The following NFATC2 variants were observed in gnomAD, a reference collection of about 807,000 sequenced individuals.
The protein encoded by NFATC2 is nuclear factor of activated T cells 2, also known as nuclear factor of activated T-cells, cytoplasmic 2.
Under a neutral mutation model 87.3 loss-of-function variants are expected in NFATC2, and 22 were observed. The ratio of observed to expected loss-of-function variants is 0.25; its 90% CI spans 0.18 to 0.36. NFATC2 has a LOEUF of 0.36. NFATC2 is among the 10% of genes least tolerant of loss of function. The pLI is 1.00. For missense variants in NFATC2, 1,149 were observed against 1,259.1 expected (o/e 0.91, Z 1.32); for synonymous variants, 565 against 542.2 (o/e 1.04, Z -0.58).
Position 51,472,388 on chromosome 20 carries a change from G to A in NFATC2, c.1708+1592C>T, listed in dbSNP as rs541272691. Reference sequence around the variant, plus strand: ...TCCCCAATCTCCACTATTCCCTGACGTCTGCCACCCAACCTACCCCATTCA... The same window carrying A: ...TCCCCAATCTCCACTATTCCCTGACATCTGCCACCCAACCTACCCCATTCA... On this transcript the variant is annotated intron_variant, in intron 5 of 10. Coordinates refer to ENST00000371564, the MANE Select transcript of NFATC2 (RefSeq NM_012340.5). 3.3e-5 allele frequency among the ~76,000 whole-genome samples: 5 copies of A among 152,170 alleles called. No homozygotes were observed. The South Asian group carries it at 6.2e-4, about 19-fold the overall frequency.
rs6013192 is a variant in NFATC2 at position 51,474,089 on chromosome 20, C to T, written c.1599G>A (p.Thr533=). The T allele has an allele frequency of 6.1e-5, 98 of 1,614,200 alleles. No homozygotes were observed. In the African/African-American group the frequency reaches 7.6e-4, roughly 13 times the overall value. ...CCCGCGTGTTCTTTCTTCCAATGTC[C>T]GTCTCGCCTTTCCGCAGCTCAATGT... The part of the protein sequence containing the change: ...NADIELRKGE[T]DIGRKNTRVR... Residue 533 remains threonine, a synonymous_variant, in exon 5 of 11, where the codon ACG becomes ACA. Coordinates refer to ENST00000371564, the MANE Select transcript of NFATC2 (RefSeq NM_012340.5).
chr20:51,484,092 C>T (rs1471680865), intron 3 of NFATC2, among the ~76,000 whole-genome samples: 1 of 151,820 alleles, frequency 6.6e-6, no homozygotes, highest in Non-Finnish European at 1.5e-5. Context: ...CTCCCACCCA[C>T]CCTTCTTCCC....
intron 9 of NFATC2, among the ~76,000 whole-genome samples, chr20:51,425,632 C>T (rs1332156765): frequency 3.9e-5 from 6 of 152,244 alleles, no homozygotes; most frequent in Non-Finnish European, 7.3e-5. Flanking sequence ...CCGCTTTGTC[C>T]CAGGCTTGCC....
At chr20:51,521,586 G>A (rs2076446319) in intron 2 of NFATC2, among the ~76,000 whole-genome samples, 1 of 152,232 alleles carries the variant, frequency 6.6e-6, no homozygotes, top group Non-Finnish European at 1.5e-5. Context: ...CTCCCAAAGT[G>A]CTGGGATTAC....
At chr20:51,451,038 A>G (rs1259880823) in intron 6 of NFATC2, among the ~76,000 whole-genome samples, 1 of 152,252 alleles carries the variant, frequency 6.6e-6, no homozygotes, top group Non-Finnish European at 1.5e-5. Flanking sequence ...GGTAGGATCC[A>G]GCCTCAAACT....
At chr20:51,410,993 T>C (rs1012988899) in intron 9 of NFATC2, among the ~76,000 whole-genome samples, 5 of 152,176 alleles carry the variant, frequency 3.3e-5, no homozygotes, top group African/African-American at 9.7e-5. Flanking sequence ...ACAGTGGTGA[T>C]GGTGATAATG....
intron 9 of NFATC2, among the ~76,000 whole-genome samples, chr20:51,406,984 G>A (rs778426604): frequency 6.6e-6 from 1 of 152,202 alleles, no homozygotes; most frequent in Non-Finnish European, 1.5e-5. Context: ...CTTTAAGACT[G>A]AAGATGATCT....
intron 9 of NFATC2, among the ~76,000 whole-genome samples, chr20:51,412,994 C>CCG (rs1173521847): frequency 3.8e-5 from 1 of 26,538 alleles, no homozygotes; most frequent in African/African-American, 1.8e-4. Flanking sequence ...CCCGCTCCCG[C>CCG]CGCCCCCCCC....
At chr20:51,398,477 G>T (rs905482213) in intron 10 of NFATC2, among the ~76,000 whole-genome samples, 166 bp downstream of exon 10, 1 of 152,036 alleles carries the variant, frequency 6.6e-6, no homozygotes, top group South Asian at 2.1e-4. Flanking sequence ...GTCCCCAGGA[G>T]TGTCCACTTC....
At chr20:51,451,257 A>C (rs1373864166) in intron 6 of NFATC2, among the ~76,000 whole-genome samples, 1 of 152,192 alleles carries the variant, frequency 6.6e-6, no homozygotes, top group Non-Finnish European at 1.5e-5. Flanking sequence ...GCTGAGACGC[A>C]GAGGGGAAGG....
chr20:51,517,686 G>T (rs923287975), intron 2 of NFATC2, among the ~76,000 whole-genome samples: 1 of 152,208 alleles, frequency 6.6e-6, no homozygotes, highest in African/African-American at 2.4e-5. Flanking sequence ...GGAGGCTGAG[G>T]TGGGCAGATC....
chr20:51,528,769 G>A (rs995655967), intron 1 of NFATC2, among the ~76,000 whole-genome samples: 7 of 152,146 alleles, frequency 4.6e-5, no homozygotes, highest in Admixed American at 3.3e-4. Context: ...CCTGTTTTAC[G>A]AAGCAGGAAA....
Position 51,432,464 on chromosome 20 carries a change from C to T in NFATC2, c.2325G>A (p.Leu775=). Reference sequence around the variant, plus strand: ...CAGAGCGGTGAGCGTCCGCAAGGGACAGCGGGGCGGCCATGAGGGCCGGCT... The same window carrying T: ...CAGAGCGGTGAGCGTCCGCAAGGGATAGCGGGGCGGCCATGAGGGCCGGCT... The part of the protein sequence containing the change: ...YQQPALMAAP[L]SLADAHRSVL... The change falls in exon 9 of 11, where the codon CTG becomes CTA. Residue 775 remains leucine, a synonymous_variant. Coordinates refer to ENST00000371564, the MANE Select transcript of NFATC2 (RefSeq NM_012340.5). The surrounding 1 kb of genome is among the most constrained non-coding windows in gnomAD (Gnocchi z 4.6). The T allele has an allele frequency of 6.4e-7, 1 of 1,559,970 alleles. No individual in the cohort carries two copies. The highest frequency in any genetic ancestry group is 8.7e-7 in the Non-Finnish European group (1 of 1,152,346).
intron 1 of NFATC2, among the ~76,000 whole-genome samples, chr20:51,548,092 A>C (rs1164380282): frequency 6.6e-6 from 1 of 151,278 alleles, no homozygotes; most frequent in Non-Finnish European, 1.5e-5. Context: ...GTCCCACCTG[A>C]CTCTCCTTGG....
chr20:51,555,383 G>T (rs1483242005), intron 1 of NFATC2, among the ~76,000 whole-genome samples: 1 of 152,114 alleles, frequency 6.6e-6, no homozygotes, highest in Admixed American at 6.5e-5. Flanking sequence ...CATGAGGTCA[G>T]GAGATCGAGA....
intron 1 of NFATC2, among the ~76,000 whole-genome samples, chr20:51,529,814 C>T (rs1364090472): frequency 6.6e-6 from 1 of 151,906 alleles, no homozygotes; most frequent in Non-Finnish European, 1.5e-5. Flanking sequence ...TCAATGTCAC[C>T]TCCATAAATA....
intron 3 of NFATC2, among the ~76,000 whole-genome samples, chr20:51,516,114 G>T (rs1234464200): frequency 6.6e-6 from 1 of 151,590 alleles, no homozygotes. Flanking sequence ...GGAAAAATAG[G>T]CACACTTCTC....
chr20:51,488,915 G>T (rs6021241), intron 3 of NFATC2, among the ~76,000 whole-genome samples: 1 of 152,192 alleles, frequency 6.6e-6, no homozygotes, highest in African/African-American at 2.4e-5. Context: ...CAAGCTGGGC[G>T]CAGTGGCTCA....
At chr20:51,457,876 C>T (rs1986732848) in intron 5 of NFATC2, among the ~76,000 whole-genome samples, 1 of 126,362 alleles carries the variant, frequency 7.9e-6, no homozygotes, top group Non-Finnish European at 1.6e-5. Flanking sequence ...ACACCCAGGC[C>T]CTCCTCGTCC....
Sources: allele counts gnomAD v4.1 joint callset (sites outside exome capture counted in the v4.1 genomes callset), GRCh38; gene constraint gnomAD v4.1.1; non-coding constraint Gnocchi (gnomAD v3.1); transcripts MANE v1.5; gene names NCBI Gene and HGNC (gene_info 2026-07-23, HGNC 2026-07-21).